Variants in SDK1 observed in about 807,000 individuals in gnomAD.
The protein encoded by SDK1 is protein sidekick-1.
In SDK1, 157 loss-of-function variants were observed where a neutral mutation model predicts 245.5. The ratio of observed to expected loss-of-function variants is 0.64; its 90% CI spans 0.56 to 0.73. The LOEUF is 0.73. Among genes scored for constraint, SDK1 ranks in the 30% least tolerant of loss-of-function variants. SDK1 has a pLI of 0.00. For synonymous variants in SDK1, 1,647 were observed against 1,278.5 expected, an observed-to-expected ratio of 1.29 and a Z score of -6.15; for missense variants, 3,583 against 3,002.3, an observed-to-expected ratio of 1.19 and a Z score of -4.52.
intron 2 of SDK1, among the ~76,000 whole-genome samples, chr7:3,620,314 T>A (rs1425232118): frequency 1.5e-5 from 2 of 136,046 alleles, no homozygotes; most frequent in East Asian, 2.1e-4. Flanking sequence ...TTTTTTTTTT[T>A]AATTTGAGAC....
chr7:3,375,414 G>A (rs1781330022), intron 1 of SDK1, among the ~76,000 whole-genome samples: 1 of 152,086 alleles, frequency 6.6e-6, no homozygotes, highest in African/African-American at 2.4e-5. Context: ...TAGATGGTTG[G>A]TTATCAGCCT....
At chr7:4,020,176 G>A (rs1354327106) in intron 17 of SDK1, among the ~76,000 whole-genome samples, 1 of 152,056 alleles carries the variant, frequency 6.6e-6, no homozygotes, top group Non-Finnish European at 1.5e-5. Context: ...TGAGTCCCAG[G>A]ATAAATTGGG....
chr7:3,735,108 A>G (rs1779282495), intron 4 of SDK1, among the ~76,000 whole-genome samples: 1 of 152,172 alleles, frequency 6.6e-6, no homozygotes, highest in Non-Finnish European at 1.5e-5. Context: ...GTCCAGCTCC[A>G]TTAATTGCTT....
At chr7:3,580,722 A>C (rs1382282195) in intron 1 of SDK1, among the ~76,000 whole-genome samples, 1 of 152,136 alleles carries the variant, frequency 6.6e-6, no homozygotes, top group Non-Finnish European at 1.5e-5. Flanking sequence ...TAATCCCAGC[A>C]TTTTGGGAGA....
chr7:3,696,302 A>G (rs995098154), intron 4 of SDK1, among the ~76,000 whole-genome samples: 9 of 152,100 alleles, frequency 5.9e-5, no homozygotes, highest in African/African-American at 1.9e-4. Flanking sequence ...GGATCCCCCA[A>G]TCACGTGATC....
intron 1 of SDK1, among the ~76,000 whole-genome samples, chr7:3,461,731 G>A (rs965973534): frequency 5.9e-5 from 9 of 152,080 alleles, no homozygotes; most frequent in Admixed American, 2.0e-4. Context: ...GAAGCCATTA[G>A]ATGGAAAAAA....
At chr7:3,530,786 T>C (rs1783317640) in intron 1 of SDK1, among the ~76,000 whole-genome samples, 1 of 152,212 alleles carries the variant, frequency 6.6e-6, no homozygotes, top group South Asian at 2.1e-4. Flanking sequence ...GAGAAGTTAC[T>C]AGTGAGTCTT....
At chr7:4,161,901 A>G (rs1357995040) in intron 32 of SDK1, 45 bp downstream of exon 32, 3 of 1,542,328 alleles carry the variant, frequency 1.9e-6, no homozygotes, top group Non-Finnish European at 2.7e-6. Context: ...ATGTGTTCTC[A>G]TTTCCCTGCG....
chr7:3,417,794 G>A (rs572192711), intron 1 of SDK1, among the ~76,000 whole-genome samples: 1 of 152,264 alleles, frequency 6.6e-6, no homozygotes, highest in South Asian at 2.1e-4. Context: ...GTCCAGCAGC[G>A]ACATAGACTG....
chr7:3,566,597 G>A (rs1194105472), intron 1 of SDK1, among the ~76,000 whole-genome samples: 1 of 151,880 alleles, frequency 6.6e-6, no homozygotes, highest in African/African-American at 2.4e-5. Flanking sequence ...TACAGATTCT[G>A]TTCAATGAAG....
intron 1 of SDK1, among the ~76,000 whole-genome samples, chr7:3,407,473 A>G (rs1779084728): frequency 1.3e-5 from 2 of 152,152 alleles, no homozygotes; most frequent in South Asian, 4.1e-4. Flanking sequence ...AATCTCTGCA[A>G]TTAAAAGGTA....
intron 5 of SDK1, 46 bp from the exon 6 acceptor site, chr7:3,950,877 T>C (rs916018823): frequency 1.4e-6 from 2 of 1,457,366 alleles, no homozygotes; most frequent in Non-Finnish European, 9.5e-7. Context: ...CGGGGGGTGC[T>C]CCTGTACTTA....
intron 5 of SDK1, among the ~76,000 whole-genome samples, chr7:3,880,498 A>G (rs1379538186): frequency 1.3e-5 from 2 of 149,042 alleles, no homozygotes; most frequent in African/African-American, 4.9e-5. Context: ...AAAAAAGTGC[A>G]GCGATGCGCA....
At chr7:4,198,399 CT>C (rs1343065915) in intron 35 of SDK1, among the ~76,000 whole-genome samples, 2 of 152,238 alleles carry the variant, frequency 1.3e-5, no homozygotes, top group Admixed American at 6.5e-5. Context: ...CCCCAGGGCT[CT>C]TTGCACTTGA....
intron 32 of SDK1, among the ~76,000 whole-genome samples, chr7:4,164,045 C>G (rs1489649593): frequency 6.6e-6 from 1 of 152,190 alleles, no homozygotes; most frequent in South Asian, 2.1e-4. Flanking sequence ...AGGGATCCAG[C>G]TTCTCTGGGT....
intron 5 of SDK1, among the ~76,000 whole-genome samples, chr7:3,941,857 G>A (rs578137562): frequency 4.0e-4 from 60 of 151,736 alleles, no homozygotes; most frequent in Middle Eastern, 7.0e-3. Flanking sequence ...TGTAGCAATC[G>A]TGATCTGCTG....
intron 40 of SDK1, among the ~76,000 whole-genome samples, chr7:4,229,943 G>C (rs1345598132): frequency 6.6e-6 from 1 of 151,606 alleles, no homozygotes; most frequent in Non-Finnish European, 1.5e-5. Context: ...GATACAAAGA[G>C]GAATGCAGGG....
chr7:3,902,564 C>A (rs1781826448), intron 5 of SDK1, among the ~76,000 whole-genome samples: 1 of 151,960 alleles, frequency 6.6e-6, no homozygotes, highest in African/African-American at 2.4e-5. Flanking sequence ...TGTTATATTA[C>A]CTATTTGATG....
chr7:4,260,460 G>A (rs1193672016), intron 44 of SDK1, among the ~76,000 whole-genome samples: 3 of 139,986 alleles, frequency 2.1e-5, no homozygotes, highest in Non-Finnish European at 4.6e-5. Context: ...CTGCTCCGGG[G>A]TCTCTGTGTG....
Sources: gnomAD v4.1 joint callset for allele counts (sites outside exome capture counted in the v4.1 genomes callset) on GRCh38, gnomAD v4.1.1 for gene constraint, MANE v1.5 for transcripts, NCBI Gene and HGNC (gene_info 2026-07-23, HGNC 2026-07-21) for gene names.